The following KIF5C variants were observed in gnomAD, a reference collection of about 807,000 sequenced individuals.
KIF5C encodes the protein kinesin heavy chain isoform 5C.
KIF5C carries 18 observed loss-of-function variants against 125.2 expected under a neutral mutation model. That is an observed-to-expected ratio of 0.14 (90% confidence interval 0.10 to 0.21). KIF5C has a LOEUF of 0.21. KIF5C is among the 10% of genes least tolerant of loss of function. The pLI is 1.00. For synonymous variants in KIF5C, 405 were observed against 434.0 expected, an observed-to-expected ratio of 0.93 and a Z score of 0.83; for missense variants, 780 against 1,183.8, an observed-to-expected ratio of 0.66 and a Z score of 5.01.
intron 1 of KIF5C, among the ~76,000 whole-genome samples, chr2:148,902,767 G>C (rs1034939449): frequency 1.3e-5 from 2 of 152,176 alleles, no homozygotes; most frequent in African/African-American, 4.8e-5. Flanking sequence ...ATTTCACATT[G>C]GTTATGTTTT....
intron 3 of KIF5C, among the ~76,000 whole-genome samples, chr2:148,935,970 T>C (rs1402927174): frequency 6.6e-6 from 1 of 152,194 alleles, no homozygotes; most frequent in African/African-American, 2.4e-5. Flanking sequence ...GGAGTATCCA[T>C]TTTTCCGGAT....
intron 22 of KIF5C, 109 bp downstream of exon 22, chr2:149,005,573 AAATT>A: frequency 6.8e-7 from 1 of 1,476,498 alleles, no homozygotes; most frequent in Non-Finnish European, 9.1e-7. Flanking sequence ...TTATGCTTAA[AAATT>A]AATTACTGCA....
At chr2:148,903,670 C>G (rs1193372059) in intron 1 of KIF5C, among the ~76,000 whole-genome samples, 1 of 152,202 alleles carries the variant, frequency 6.6e-6, no homozygotes, top group African/African-American at 2.4e-5. Context: ...CTCACAGAAT[C>G]TTATGAGAGA....
At chr2:148,966,868 C>A (rs1680735813) in intron 11 of KIF5C, among the ~76,000 whole-genome samples, 2 of 152,150 alleles carry the variant, frequency 1.3e-5, no homozygotes, top group African/African-American at 4.8e-5. Context: ...CATCTGCAAA[C>A]CCCGAAGAGG....
At chr2:148,974,936 T>C (rs1008815052) in intron 12 of KIF5C, among the ~76,000 whole-genome samples, 3 of 152,190 alleles carry the variant, frequency 2.0e-5, no homozygotes, top group African/African-American at 7.2e-5. Context: ...AGAGAGACTT[T>C]AGAGTCTCAA....
intron 15 of KIF5C, 80 bp downstream of exon 15, chr2:148,983,846 A>G: frequency 7.0e-7 from 1 of 1,436,638 alleles, no homozygotes; most frequent in Admixed American, 2.6e-5. Flanking sequence ...TTAAGCATTC[A>G]ATGCTTAGCA....
chr2:149,002,123 CA>C (rs1305117263), intron 21 of KIF5C, among the ~76,000 whole-genome samples: 4 of 152,206 alleles, frequency 2.6e-5, no homozygotes, highest in African/African-American at 9.7e-5. Context: ...TCTGTTTTAC[CA>C]GAGAAGTGAT....
intron 16 of KIF5C, among the ~76,000 whole-genome samples, chr2:148,991,745 C>T (rs1386715757): frequency 1.3e-5 from 2 of 152,196 alleles, no homozygotes; most frequent in East Asian, 1.9e-4. Flanking sequence ...TCTGTCCAAA[C>T]ACCTACAGCC....
At chr2:148,934,196 A>C (rs1254659525) in intron 3 of KIF5C, among the ~76,000 whole-genome samples, 1 of 151,176 alleles carries the variant, frequency 6.6e-6, no homozygotes, top group Non-Finnish European at 1.5e-5. Context: ...CACACCACAC[A>C]TCACATACCA....
intron 1 of KIF5C, among the ~76,000 whole-genome samples, chr2:148,910,487 C>T (rs1019223815): frequency 1.3e-5 from 2 of 152,208 alleles, no homozygotes; most frequent in African/African-American, 4.8e-5. Flanking sequence ...TATTAGCCCT[C>T]TCTCACCCCA....
chr2:148,918,302 C>T (rs1463219453), intron 1 of KIF5C, among the ~76,000 whole-genome samples: 4 of 152,154 alleles, frequency 2.6e-5, no homozygotes, highest in Non-Finnish European at 5.9e-5. Context: ...TGTGTCTCAT[C>T]CAGATTCCCT....
intron 6 of KIF5C, 85 bp downstream of exon 6, chr2:148,942,075 T>G: frequency 6.7e-7 from 1 of 1,494,100 alleles, no homozygotes; most frequent in East Asian, 2.3e-5. Flanking sequence ...TGCAGAATAT[T>G]ATCTGTAAAG....
At chr2:148,885,418 G>T (rs1467677937) in intron 1 of KIF5C, 1 of 152,234 alleles carries the variant, frequency 6.6e-6, no homozygotes, top group Admixed American at 6.5e-5. Context: ...GCTTGTGTAA[G>T]CGTCAGGGAA....
intron 19 of KIF5C, among the ~76,000 whole-genome samples, chr2:148,999,006 C>T (rs754279782): frequency 1.6e-4 from 25 of 152,186 alleles, no homozygotes; most frequent in Non-Finnish European, 2.9e-4. Context: ...CATGTGCTCA[C>T]TTCTTAGGGC....
intron 2 of KIF5C, among the ~76,000 whole-genome samples, chr2:148,928,992 C>T (rs1372370024): frequency 6.6e-6 from 1 of 152,178 alleles, no homozygotes; most frequent in Admixed American, 6.5e-5. Flanking sequence ...AAATATCCTT[C>T]TACTAAAAAA....
chr2:148,919,734 A>G (rs936714414), intron 1 of KIF5C, among the ~76,000 whole-genome samples: 2 of 152,202 alleles, frequency 1.3e-5, no homozygotes, highest in African/African-American at 2.4e-5. Context: ...ATTCTGATCA[A>G]TCTCTTCCGA....
At position 148,924,736 on chromosome 2, in the gene KIF5C, C is replaced by T. The variant is rs1681925273; in HGVS notation, c.217+2509C>T. ...TGAAGTACTGTAACTATGTCCCAGC[C>T]TACAGAAGCCACACCAATCATTTGC... is the stretch of plus-strand genomic sequence containing the variant. On this transcript the variant is annotated intron_variant, in intron 2 of 25. Coordinates refer to ENST00000435030, the MANE Select transcript of KIF5C (RefSeq NM_004522.3). The surrounding 1 kb of genome is among the most constrained non-coding windows in gnomAD (Gnocchi z 4.0). Among the ~76,000 whole-genome samples the T allele has an allele frequency of 6.6e-6, 1 of 152,182 alleles. No individual in the cohort carries two copies. Among genetic ancestry groups the T allele is most frequent in the Non-Finnish European group, 1.5e-5 (1 of 68,036 alleles).
intron 17 of KIF5C, among the ~76,000 whole-genome samples, chr2:148,994,795 C>T (rs185160504): frequency 3.9e-4 from 59 of 151,882 alleles, no homozygotes; most frequent in Non-Finnish European, 5.7e-4. Flanking sequence ...CTCCGCTTCC[C>T]GGTTCCAGCG....
At chr2:148,987,562 T>G (rs957760611) in intron 15 of KIF5C, among the ~76,000 whole-genome samples, 30 of 152,182 alleles carry the variant, frequency 2.0e-4, no homozygotes, top group African/African-American at 7.2e-4. Context: ...TAATGCTGAT[T>G]GGCGAGGGAG....
Sources: gnomAD v4.1 joint callset for allele counts (sites outside exome capture counted in the v4.1 genomes callset) on GRCh38, gnomAD v4.1.1 for gene constraint, Gnocchi (gnomAD v3.1) non-coding constraint, MANE v1.5 for transcripts, NCBI Gene and HGNC (gene_info 2026-07-23, HGNC 2026-07-21) for gene names.